The following MAPKBP1 variants were observed in gnomAD, a reference collection of about 807,000 sequenced individuals.
The protein encoded by MAPKBP1 is mitogen-activated protein kinase binding protein 1, also known as mitogen-activated protein kinase-binding protein 1.
In MAPKBP1, 71 loss-of-function variants were observed where a neutral mutation model predicts 170.5. That is an observed-to-expected ratio of 0.42 (90% CI 0.34 to 0.51). The LOEUF is 0.51. Among genes scored for constraint, MAPKBP1 ranks in the 20% least tolerant of loss-of-function variants. The pLI is 0.06. For missense variants in MAPKBP1, 1,598 were observed against 1,933.0 expected (o/e 0.83, Z 3.25); for synonymous variants, 719 against 757.9 (o/e 0.95, Z 0.84).
Position 41,818,263 on chromosome 15 carries a change from T to C in MAPKBP1, c.2050T>C (p.Phe684Leu). ...TGACAAGAATCTCTCCATTTTTGAC[T>C]TCTCCTCAGGCGAGTGCGTGGCCAC... ...CSDKNLSIFD[F>L]SSGECVATMF... is the part of the protein sequence containing the mutation. The change falls in exon 18 of 31, where the codon TTC becomes CTC. Residue 684 changes from phenylalanine (F) to leucine (L), a missense_variant. This residue lies in a region of MAPKBP1 where 63 missense variants were observed against 115.2 expected (regional missense o/e 0.55). Coordinates refer to ENST00000457542, the MANE Select transcript of MAPKBP1 (RefSeq NM_014994.3). This position sits in a 1 kb window ranked among gnomAD's most constrained non-coding sequence, Gnocchi z 5.2. 1 of 1,614,152 alleles carries C rather than the reference T, an allele frequency of 6.2e-7. No individual in the cohort carries two copies. Among genetic ancestry groups the C allele is most frequent in the Non-Finnish European group, 8.5e-7 (1 of 1,180,032 alleles).
chr15:41,785,577 G>T (rs1433925435), intron 2 of MAPKBP1, among the ~76,000 whole-genome samples: 1 of 151,968 alleles, frequency 6.6e-6, no homozygotes, highest in African/African-American at 2.4e-5. Flanking sequence ...AATTTATATT[G>T]ACAAATAATT....
At chr15:41,802,315 G>C (rs1249617838) in intron 3 of MAPKBP1, among the ~76,000 whole-genome samples, 1 of 151,992 alleles carries the variant, frequency 6.6e-6, no homozygotes, top group African/African-American at 2.4e-5. Flanking sequence ...TGTACACTTG[G>C]CCATACTAAA....
Position 41,820,970 on chromosome 15 carries a change from C to G in MAPKBP1, c.2620C>G (p.Pro874Ala), listed in dbSNP as rs746966292. 13 of 1,614,068 alleles carry G rather than the reference C, an allele frequency of 8.1e-6. No individual in the cohort carries two copies. The highest frequency in any genetic ancestry group is 1.1e-5 in the Non-Finnish European group (13 of 1,180,044). ...LDLRQLETLAPSLQDPSQDSL... is the reference protein window; with the variant it reads ...LDLRQLETLAASLQDPSQDSL... ...TCTGCGGCAGCTGGAAACACTGGCC[C>G]CAAGCCTGCAGGACCCTAGCCAGGA... The change falls in exon 23 of 31, where the codon CCA (proline) becomes GCA (alanine). Residue 874 changes from proline to alanine, a missense_variant. Pro to Ala is a conservative substitution (Grantham distance 27). This residue lies in a region of MAPKBP1 where 942 missense variants were observed against 953.2 expected (regional missense o/e 0.99). Transcript: ENST00000457542.
At chr15:41,813,323 C>G in intron 8 of MAPKBP1, 1 of 1,528,610 alleles carries the variant, frequency 6.5e-7, no homozygotes, top group Admixed American at 1.7e-5. Context: ...TTTCCTCTTC[C>G]GCTCAGAACA....
At chr15:41,784,858 A>G (rs1179709023) in intron 2 of MAPKBP1, among the ~76,000 whole-genome samples, 2 of 149,974 alleles carry the variant, frequency 1.3e-5, no homozygotes, top group African/African-American at 2.4e-5. Context: ...CCAGAGTTCA[A>G]GACCAGCCTG....
intron 3 of MAPKBP1, among the ~76,000 whole-genome samples, chr15:41,804,498 T>C (rs2064656003): frequency 6.6e-6 from 1 of 152,196 alleles, no homozygotes; most frequent in African/African-American, 2.4e-5. Context: ...GAGGTGGGGC[T>C]GGGGCTGGAT....
Position 41,819,550 on chromosome 15 carries a change from G to GGGA in MAPKBP1, c.2426-43_2426-42insAGG, listed in dbSNP as rs751538977. The GGGA allele has an allele frequency of 7.2e-6, 11 of 1,518,416 alleles. 1 individual carries two copies. Among genetic ancestry groups the GGGA allele is most frequent in the South Asian group, 4.6e-5 (4 of 87,590 alleles). 94.1% of individuals were successfully genotyped at this position (1,518,416 alleles called of 1,614,324 possible). On this transcript the variant is annotated intron_variant, in intron 21 of 30. Transcript: ENST00000457542. ...CCAGGGCTCCAGGGTTGGGTGGCGGGGGGGGGGCAGGAGACACTTCCTCTG... is the reference window on the plus strand; with the variant it reads ...CCAGGGCTCCAGGGTTGGGTGGCGGGGGAGGGGGGGCAGGAGACACTTCCTCTG...
intron 2 of MAPKBP1, among the ~76,000 whole-genome samples, chr15:41,777,623 G>A (rs1327903078): frequency 1.3e-5 from 2 of 152,126 alleles, no homozygotes; most frequent in East Asian, 3.9e-4. Context: ...GCACCCAAGA[G>A]GAGTAGCTGT....
At chr15:41,778,997 T>C (rs902147697) in intron 2 of MAPKBP1, among the ~76,000 whole-genome samples, 1 of 152,186 alleles carries the variant, frequency 6.6e-6, no homozygotes, top group Non-Finnish European at 1.5e-5. Flanking sequence ...TTTCTTCTAG[T>C]TGTGTTTTTT....
At chr15:41,776,255 G>A (rs142934408) in intron 2 of MAPKBP1, among the ~76,000 whole-genome samples, 30 of 152,226 alleles carry the variant, frequency 2.0e-4, no homozygotes, top group African/African-American at 7.2e-4. Context: ...GAGGTACAAG[G>A]TTGTTACAGG....
At position 41,787,777 on chromosome 15, in the gene MAPKBP1, A is replaced by G. The variant is rs149963002; in HGVS notation, c.115-12046A>G. Among the ~76,000 whole-genome samples the G allele has an allele frequency of 4.8e-3, 727 of 152,262 alleles. 7 individuals carry two copies. Among genetic ancestry groups the G allele is most frequent in the African/African-American group, 0.017 (704 of 41,534 alleles). ...TTCTGTTTGTAATCATGTATGGCAC[A>G]TGGATTATGTTATTCAGGCCTTCCT... On this transcript the variant is annotated intron_variant, in intron 2 of 30. Coordinates refer to ENST00000457542, the MANE Select transcript of MAPKBP1 (RefSeq NM_014994.3).
intron 2 of MAPKBP1, among the ~76,000 whole-genome samples, chr15:41,797,812 C>T (rs1348827082): frequency 6.6e-6 from 1 of 152,132 alleles, no homozygotes; most frequent in Non-Finnish European, 1.5e-5. Context: ...ATCTGCATCC[C>T]CAAGATACAC....
rs2065037809 is a variant in MAPKBP1 at position 41,823,533 on chromosome 15, C to T, written c.3685C>T (p.Pro1229Ser). 1 of 1,614,046 alleles carries T rather than the reference C, an allele frequency of 6.2e-7. No individual in the cohort carries two copies. Among genetic ancestry groups the T allele is most frequent in the African/African-American group, 1.3e-5 (1 of 74,930 alleles). The change falls in exon 29 of 31, where the codon CCC (proline) becomes TCC (serine). Residue 1229 changes from proline (P) to serine (S), a missense_variant. Transcript: ENST00000457542. The stretch of plus-strand genomic sequence containing the variant: ...AGCTCAGGATGGTCTGGGCTCCCTG[C>T]CCCCAGCTGATGGCCGTCCGTCTCG... ...IEAQDGLGSL[P>S]PADGRPSRPH...
At chr15:41,784,196 C>A (rs1021167556) in intron 2 of MAPKBP1, among the ~76,000 whole-genome samples, 1 of 152,144 alleles carries the variant, frequency 6.6e-6, no homozygotes, top group Non-Finnish European at 1.5e-5. Flanking sequence ...AACATAATAA[C>A]CTGCTGCTGA....
intron 2 of MAPKBP1, among the ~76,000 whole-genome samples, chr15:41,798,827 C>T (rs1293126527): frequency 6.6e-6 from 1 of 152,192 alleles, no homozygotes. Context: ...ACATGTCCGT[C>T]CTGCATTCTG....
At chr15:41,810,097 T>C (rs954183372) in intron 3 of MAPKBP1, among the ~76,000 whole-genome samples, 3 of 152,212 alleles carry the variant, frequency 2.0e-5, no homozygotes, top group African/African-American at 7.2e-5. Flanking sequence ...GGTACACACG[T>C]GGGTGCACAC....
Position 41,800,443 on chromosome 15 carries a change from A to G in MAPKBP1, c.206+529A>G, listed in dbSNP as rs191744080. Among the ~76,000 whole-genome samples, 238 of 151,806 alleles carry G rather than the reference A, an allele frequency of 1.6e-3. 1 individual carries two copies. Among genetic ancestry groups the G allele is most frequent in the African/African-American group, 5.5e-3 (229 of 41,384 alleles). On this transcript the variant is annotated intron_variant, in intron 3 of 30. Coordinates refer to ENST00000457542, the MANE Select transcript of MAPKBP1 (RefSeq NM_014994.3). The stretch of plus-strand genomic sequence containing the variant: ...ACTGCACCTCCGCCTCCGACACTCA[A>G]GCAATCCTCCCACCTCAGTCTCCCG...
intron 2 of MAPKBP1, among the ~76,000 whole-genome samples, chr15:41,788,834 CA>C (rs2064344790): frequency 6.6e-6 from 1 of 152,080 alleles, no homozygotes; most frequent in African/African-American, 2.4e-5. Context: ...AAACATGGAT[CA>C]AAGCTATGCT....
intron 2 of MAPKBP1, among the ~76,000 whole-genome samples, chr15:41,790,456 G>T (rs150487884): frequency 1.3e-5 from 2 of 152,242 alleles, no homozygotes; most frequent in Admixed American, 1.3e-4. Flanking sequence ...TTGTTGACTG[G>T]CCAGGTTTGG....
Sources: allele counts gnomAD v4.1 joint callset (sites outside exome capture counted in the v4.1 genomes callset), GRCh38; gene constraint gnomAD v4.1.1; regional missense constraint gnomAD v4.1.1; non-coding constraint Gnocchi (gnomAD v3.1); transcripts MANE v1.5; gene names NCBI Gene and HGNC (gene_info 2026-07-23, HGNC 2026-07-21).